EFHD1: variants seen among roughly 807,000 people sequenced by gnomAD.
EFHD1 encodes EF-hand domain family member D1.
In EFHD1, 10 loss-of-function variants were observed where a neutral mutation model predicts 17.2. That is an observed-to-expected ratio of 0.58 (90% confidence interval 0.36 to 0.99). The LOEUF is 0.99. EFHD1 is among the 50% of genes least tolerant of loss of function. The probability of loss-of-function intolerance (pLI) is 0.01; values close to 1 mark genes in which losing one functional copy is unlikely to be tolerated. For synonymous variants in EFHD1, 153 were observed against 142.0 expected (o/e 1.08, Z -0.55); for missense variants, 310 against 327.5 (o/e 0.95, Z 0.41).
intron 1 of EFHD1, among the ~76,000 whole-genome samples, chr2:232,623,357 C>T (rs1391018873): frequency 1.3e-5 from 2 of 152,046 alleles, no homozygotes; most frequent in Non-Finnish European, 2.9e-5. Context: ...AGAAAATTTT[C>T]AATTCAAAAT....
At chr2:232,639,816 G>T (rs567595687) in intron 1 of EFHD1, among the ~76,000 whole-genome samples, 1 of 152,132 alleles carries the variant, frequency 6.6e-6, no homozygotes, top group Non-Finnish European at 1.5e-5. Context: ...GTTGGCACAC[G>T]TTTGTCTTTA....
chr2:232,637,609 G>T (rs1428501572), intron 1 of EFHD1, among the ~76,000 whole-genome samples: 1 of 152,052 alleles, frequency 6.6e-6, no homozygotes, highest in African/African-American at 2.4e-5. Flanking sequence ...CTCCCAAAAC[G>T]CTGGGATTAC....
At chr2:232,676,938 T>G (rs918499847) in intron 3 of EFHD1, among the ~76,000 whole-genome samples, 15 of 152,104 alleles carry the variant, frequency 9.9e-5, no homozygotes, top group Admixed American at 9.8e-4. Flanking sequence ...AGTTCAAGGT[T>G]GCAGTGAGCT....
intron 1 of EFHD1, among the ~76,000 whole-genome samples, chr2:232,638,856 G>T (rs960142): frequency 0.087 from 13,226 of 152,266 alleles, 774 homozygotes; most frequent in Middle Eastern, 0.14. Flanking sequence ...CTGCACTGGA[G>T]TTTGTACATT....
chr2:232,678,567 C>T (rs1288126275), intron 3 of EFHD1, among the ~76,000 whole-genome samples: 1 of 152,066 alleles, frequency 6.6e-6, no homozygotes. Flanking sequence ...GTTGGATCAC[C>T]TGAGGTGGAG....
chr2:232,624,049 ATCT>A (rs1436379233), intron 1 of EFHD1, among the ~76,000 whole-genome samples: 3 of 152,162 alleles, frequency 2.0e-5, no homozygotes, highest in African/African-American at 7.2e-5. Context: ...CAGGTGGGTC[ATCT>A]TCTTATAGCC....
intron 2 of EFHD1, among the ~76,000 whole-genome samples, chr2:232,670,571 A>G (rs138143896): frequency 1.3e-5 from 2 of 152,316 alleles, no homozygotes; most frequent in East Asian, 3.9e-4. Flanking sequence ...TGCAAGGATT[A>G]CTAACCAACC....
chr2:232,645,251 G>A (rs1365566763), intron 1 of EFHD1, among the ~76,000 whole-genome samples: 9 of 152,064 alleles, frequency 5.9e-5, no homozygotes, highest in African/African-American at 1.4e-4. Context: ...AGGCAGACAC[G>A]CCTCAGCCCC....
intron 2 of EFHD1, among the ~76,000 whole-genome samples, chr2:232,671,814 T>C (rs986520525): frequency 6.6e-6 from 1 of 152,090 alleles, no homozygotes; most frequent in Non-Finnish European, 1.5e-5. Context: ...CCCAGCACTT[T>C]GGGAGGCCGA....
At position 232,627,014 on chromosome 2, in the gene EFHD1, G is replaced by GTCTCTCTCTCTC. The variant is rs34012045; in HGVS notation, c.14+20853_14+20864dup. Among the ~76,000 whole-genome samples the GTCTCTCTCTCTC allele has an allele frequency of 1.7e-3, 118 of 69,706 alleles. 4 individuals are homozygous for GTCTCTCTCTCTC. Among genetic ancestry groups the GTCTCTCTCTCTC allele is most frequent in the Admixed American group, 8.2e-3 (39 of 4,746 alleles). The allele number at this position is 69,706 out of a possible 152,430, so 45.7% of individuals were successfully genotyped here. A position where few individuals can be genotyped will look rare whatever the true frequency, so the allele number is the denominator to read the frequency against. On this transcript the variant is annotated intron_variant, in intron 1 of 3. Coordinates refer to the EFHD1 transcript ENST00000409613. Reference sequence around the variant, plus strand: ...AGCCTGGGCAACATAGTGAGATCCTGTCTCTCTCTCTCTCTCTCTCTCTAT... The same window carrying GTCTCTCTCTCTC: ...AGCCTGGGCAACATAGTGAGATCCTGTCTCTCTCTCTCTCTCTCTCTCTCTCTCTCTCTCTAT...
At chr2:232,610,522 A>G (rs926470591) in intron 1 of EFHD1, among the ~76,000 whole-genome samples, 2 of 151,880 alleles carry the variant, frequency 1.3e-5, no homozygotes, top group Non-Finnish European at 2.9e-5. Flanking sequence ...TTGCAATGAG[A>G]TAGCACCACT....
chr2:232,667,066 C>T (rs142588900), intron 2 of EFHD1, among the ~76,000 whole-genome samples: 2 of 152,310 alleles, frequency 1.3e-5, no homozygotes, highest in Non-Finnish European at 2.9e-5. Flanking sequence ...ACATTCCTAA[C>T]TGGAAACCAT....
intron 3 of EFHD1, among the ~76,000 whole-genome samples, chr2:232,673,374 G>C (rs17297675): frequency 0.023 from 3,451 of 152,278 alleles, 66 homozygotes; most frequent in Non-Finnish European, 0.034. Flanking sequence ...CCAGTGCAAG[G>C]TGATACGTGC....
intron 1 of EFHD1, among the ~76,000 whole-genome samples, chr2:232,608,990 TG>T: frequency 6.6e-6 from 1 of 151,686 alleles, no homozygotes; most frequent in South Asian, 2.1e-4. Flanking sequence ...ACAATACATT[TG>T]AATGGATGAA....
At chr2:232,654,132 G>A (rs574655146) in intron 1 of EFHD1, among the ~76,000 whole-genome samples, 4 of 151,608 alleles carry the variant, frequency 2.6e-5, no homozygotes, top group African/African-American at 7.3e-5. Context: ...ACTTGAACCC[G>A]GGAGGCAGAA....
At chr2:232,655,859 T>A (rs764488305) in intron 1 of EFHD1, among the ~76,000 whole-genome samples, 1 of 146,080 alleles carries the variant, frequency 6.8e-6, no homozygotes, top group Admixed American at 7.1e-5. Flanking sequence ...CAGGCTGGAG[T>A]GCAGTGGCAC....
intron 1 of EFHD1, among the ~76,000 whole-genome samples, chr2:232,649,536 T>A (rs1456564425): frequency 6.6e-6 from 1 of 151,928 alleles, no homozygotes; most frequent in African/African-American, 2.4e-5. Flanking sequence ...CTGGGACAAG[T>A]TGGGTGTGGG....
At chr2:232,638,427 G>A (rs1163665152) in intron 1 of EFHD1, 1 of 471,190 alleles carries the variant, frequency 2.1e-6, no homozygotes, top group Admixed American at 2.3e-5. Context: ...GTGATGTCAT[G>A]GATGTCCTGC....
At chr2:232,611,068 C>T (rs62191594) in intron 1 of EFHD1, among the ~76,000 whole-genome samples, 40,599 of 152,068 alleles carry the variant, frequency 0.27, 6,866 homozygotes, top group Middle Eastern at 0.44. Flanking sequence ...GTCCTAGATA[C>T]TCAGGAGGCT....
Sources: allele counts gnomAD v4.1 joint callset (sites outside exome capture counted in the v4.1 genomes callset), GRCh38; gene constraint gnomAD v4.1.1; transcripts MANE v1.5; gene names NCBI Gene and HGNC (gene_info 2026-07-23, HGNC 2026-07-21).